ZC3H6: variants seen among roughly 807,000 people sequenced by gnomAD.
ZC3H6 encodes zinc finger CCCH-type containing 6.
A neutral mutation model predicts 107.7 loss-of-function variants in ZC3H6; 40 were observed. That is an observed-to-expected ratio of 0.37 (90% CI 0.29 to 0.48). The LOEUF is 0.48. Among genes scored for constraint, ZC3H6 ranks in the 20% least tolerant of loss-of-function variants. The pLI is 0.98. For missense variants in ZC3H6, 1,267 were observed against 1,410.4 expected (o/e 0.90, Z 1.63); for synonymous variants, 493 against 487.9 (o/e 1.01, Z -0.14).
chr2:112,283,290 C>G (rs1298600847), intron 1 of ZC3H6, among the ~76,000 whole-genome samples: 5 of 152,152 alleles, frequency 3.3e-5, no homozygotes, highest in Admixed American at 6.5e-5. Context: ...CAAGCTTTCT[C>G]TATTATAAAT....
intron 3 of ZC3H6, among the ~76,000 whole-genome samples, chr2:112,303,764 T>A (rs980500025): frequency 2.0e-5 from 3 of 152,212 alleles, no homozygotes; most frequent in Non-Finnish European, 2.9e-5. Flanking sequence ...TGTGTATATA[T>A]CACATTTTGT....
intron 11 of ZC3H6, among the ~76,000 whole-genome samples, chr2:112,326,010 A>C (rs1676900644): frequency 6.6e-6 from 1 of 152,022 alleles, no homozygotes; most frequent in Admixed American, 6.6e-5. Context: ...AAAACTATGT[A>C]ACGCTAGGTA....
At chr2:112,298,959 T>G (rs1212408517) in intron 1 of ZC3H6, among the ~76,000 whole-genome samples, 1 of 152,136 alleles carries the variant, frequency 6.6e-6, no homozygotes, top group Non-Finnish European at 1.5e-5. Flanking sequence ...AAAGAATTAT[T>G]TTTTAGAAAT....
rs749734280 is a variant in ZC3H6, at chr2:112,322,713, G to A, written c.1151G>A (p.Arg384His). Residue 384 changes from arginine (R) to histidine (H), a missense_variant, in exon 9 of 12, where the codon CGT (arginine) becomes CAT (histidine). Physicochemically the swap from Arg to His is conservative, Grantham distance 29. Transcript: ENST00000409871. The stretch of plus-strand genomic sequence containing the variant: ...AGAGAATTAGAGGAACTTAGAAAGC[G>A]TGGCATAACTCCTCTTCCCAAACCA... ...DERELEELRK[R>H]GITPLPKPPP... The A allele has an allele frequency of 2.0e-5, 33 of 1,613,434 alleles. No individual in the cohort carries two copies. The highest frequency in any genetic ancestry group is 6.7e-5 in the African/African-American group (5 of 74,894).
At chr2:112,308,235 C>A (rs924558825) in intron 3 of ZC3H6, among the ~76,000 whole-genome samples, 9 of 151,788 alleles carry the variant, frequency 5.9e-5, no homozygotes, top group South Asian at 4.1e-4. Context: ...TAAAACAAAT[C>A]AAAAATATGA....
Position 112,310,049 on chromosome 2 carries a change from T to G in ZC3H6, c.501T>G (p.Phe167Leu). 6.2e-7 allele frequency: 1 copy of G among 1,613,648 alleles called. No homozygotes were observed. Among genetic ancestry groups the G allele is most frequent in the Non-Finnish European group, 8.5e-7 (1 of 1,179,746 alleles). The change falls in exon 4 of 12, where the codon TTT becomes TTG. Residue 167 changes from phenylalanine to leucine, a missense_variant. Coordinates refer to ENST00000409871, the MANE Select transcript of ZC3H6 (RefSeq NM_198581.3). ...ACGGTCAGGAAACAGAGGAAGATTTTGCCAATCAGCTGAAACAATACAGGC... is the reference window on the plus strand; with the variant it reads ...ACGGTCAGGAAACAGAGGAAGATTTGGCCAATCAGCTGAAACAATACAGGC... ...GNYGQETEED[F>L]ANQLKQYRQA...
chr2:112,329,240 A>C (rs1003089593), intron 11 of ZC3H6, among the ~76,000 whole-genome samples: 2 of 151,606 alleles, frequency 1.3e-5, no homozygotes, highest in Admixed American at 6.6e-5. Flanking sequence ...CTATTCTTCT[A>C]CTCTCCCTCT....
Position 112,331,120 on chromosome 2 carries a change from C to T in ZC3H6, c.2202C>T (p.Ser734=). The T allele has an allele frequency of 1.2e-6, 2 of 1,613,192 alleles. No individual in the cohort carries two copies. The highest frequency in any genetic ancestry group is 1.7e-6 in the Non-Finnish European group (2 of 1,179,598). The change falls in exon 12 of 12, where the codon TCC becomes TCT. Residue 734 remains serine (S), a synonymous_variant. Transcript: ENST00000409871. ...TETLRNQQQP[S]TELSTPTDPR... ...CTTTAAGGAATCAGCAACAACCTTC[C>T]ACAGAACTCAGCACTCCTACTGATC...
At chr2:112,290,440 CCT>C (rs1386749127) in intron 1 of ZC3H6, among the ~76,000 whole-genome samples, 3 of 152,250 alleles carry the variant, frequency 2.0e-5, no homozygotes, top group African/African-American at 7.2e-5. Context: ...ATGACTTTCC[CCT>C]GTTGTGTGTG....
intron 11 of ZC3H6, among the ~76,000 whole-genome samples, chr2:112,329,129 AT>A (rs1350093450): frequency 6.6e-6 from 1 of 152,056 alleles, no homozygotes; most frequent in Non-Finnish European, 1.5e-5. Context: ...GTTTGTGTTA[AT>A]TTTTATGGAT....
Position 112,309,974 on chromosome 2 carries a change from C to A in ZC3H6, c.426C>A (p.Thr142=). Residue 142 remains threonine (T), a synonymous_variant, in exon 4 of 12, where the codon ACC becomes ACA. Transcript: ENST00000409871. ...FKSKEYDEYS[T]YSDDNFGNYS... is the part of the protein sequence containing the mutation. ...GTAAAGAATATGATGAGTACAGCAC[C>A]TACAGTGATGACAACTTCGGTAACT... The A allele has an allele frequency of 6.2e-7, 1 of 1,612,732 alleles. No individual in the cohort carries two copies. Among genetic ancestry groups the A allele is most frequent in the Non-Finnish European group, 8.5e-7 (1 of 1,179,324 alleles).
chr2:112,310,931 T>A (rs1187275528), intron 4 of ZC3H6, among the ~76,000 whole-genome samples: 1 of 152,240 alleles, frequency 6.6e-6, no homozygotes, highest in Non-Finnish European at 1.5e-5. Context: ...TTGAAAAATA[T>A]GAATGTAGGC....
Position 112,329,081 on chromosome 2 carries a change from C to G in ZC3H6, c.2087-1924C>G, listed in dbSNP as rs577291109. Among the ~76,000 whole-genome samples, 71 of 152,134 alleles carry G rather than the reference C, an allele frequency of 4.7e-4. 2 individuals are homozygous for G. Among genetic ancestry groups the G allele is most frequent in the Admixed American group, 4.1e-3 (63 of 15,280 alleles). ...TAGTGTTCTATGGGAGTTGTTGGCT[C>G]TGATACAGAAATATTTTGAACAGCT... is the stretch of plus-strand genomic sequence containing the variant. On this transcript the variant is annotated intron_variant, in intron 11 of 11. Coordinates refer to ENST00000409871, the MANE Select transcript of ZC3H6 (RefSeq NM_198581.3).
At chr2:112,294,814 T>A (rs1676201175) in intron 1 of ZC3H6, among the ~76,000 whole-genome samples, 1 of 152,180 alleles carries the variant, frequency 6.6e-6, no homozygotes, top group African/African-American at 2.4e-5. Flanking sequence ...GTGACGAGGG[T>A]ACTGACCATT....
chr2:112,282,273 A>G (rs1183138048), intron 1 of ZC3H6, among the ~76,000 whole-genome samples: 3 of 152,030 alleles, frequency 2.0e-5, no homozygotes, highest in Non-Finnish European at 4.4e-5. Flanking sequence ...CGGCCGGAGA[A>G]CTCTGTTCTC....
At chr2:112,300,105 G>A in intron 2 of ZC3H6, 76 bp downstream of exon 2, 2 of 1,005,880 alleles carry the variant, frequency 2.0e-6, no homozygotes, top group Non-Finnish European at 1.3e-6. Flanking sequence ...GAAAGTAGAA[G>A]TCATTATTTT....
chr2:112,304,952 T>C (rs1558951131), intron 3 of ZC3H6, among the ~76,000 whole-genome samples: 1 of 152,222 alleles, frequency 6.6e-6, no homozygotes, highest in Admixed American at 6.5e-5. Context: ...TTTATTAAAA[T>C]ATCTTCTCTT....
chr2:112,312,376 T>C (rs1676609974), intron 5 of ZC3H6, among the ~76,000 whole-genome samples: 5 of 152,164 alleles, frequency 3.3e-5, no homozygotes. Flanking sequence ...GGGATATAAA[T>C]GGTTGGAAAG....
At position 112,297,984 on chromosome 2, in the gene ZC3H6, G is replaced by T. The variant is rs72943954; in HGVS notation, c.33-1865G>T. ...ACAAAAATTAGTCGGATGTGATGGCGTGTGCCTGTAATCCCAGCTACTCGG... is the reference window on the plus strand; with the variant it reads ...ACAAAAATTAGTCGGATGTGATGGCTTGTGCCTGTAATCCCAGCTACTCGG... On this transcript the variant is annotated intron_variant, in intron 1 of 11. Transcript: ENST00000409871. 3.8e-3 allele frequency among the ~76,000 whole-genome samples: 583 copies of T among 152,248 alleles called. 5 individuals carry two copies. The highest frequency in any genetic ancestry group is 0.013 in the African/African-American group (540 of 41,520).
Sources: allele counts gnomAD v4.1 joint callset (sites outside exome capture counted in the v4.1 genomes callset), GRCh38; gene constraint gnomAD v4.1.1; transcripts MANE v1.5; gene names NCBI Gene and HGNC (gene_info 2026-07-23, HGNC 2026-07-21).